DMXL1: variants seen among roughly 807,000 people sequenced by gnomAD.
DMXL1 encodes the protein dmX-like protein 1.
In DMXL1, 99 loss-of-function variants were observed where a neutral mutation model predicts 319.2. The observed-to-expected ratio is 0.31, with a 90% confidence interval of 0.26 to 0.37. DMXL1 has a LOEUF of 0.37. Ranked by LOEUF, DMXL1 falls within the 10% of genes least tolerant of loss-of-function variation. DMXL1 has a pLI of 1.00. For synonymous variants in DMXL1, 1,385 were observed against 1,235.2 expected, an observed-to-expected ratio of 1.12 and a Z score of -2.54; for missense variants, 3,745 against 3,595.6, an observed-to-expected ratio of 1.04 and a Z score of -1.06.
At chr5:119,238,940 T>C in intron 40 of DMXL1, 49 bp from the exon 41 acceptor site, 2 of 1,605,870 alleles carry the variant, frequency 1.2e-6, no homozygotes, top group South Asian at 2.2e-5. Flanking sequence ...TACCTGGTTA[T>C]GACATTTTTA....
rs1331515904 is a variant in DMXL1 at position 119,248,997 on chromosome 5, A to G, written c.*1778A>G. On this transcript the variant is annotated 3_prime_UTR_variant, in exon 44 of 44. Coordinates refer to ENST00000539542, the MANE Select transcript of DMXL1 (RefSeq NM_001290321.3). ...AATATTTACTATTATGCTTATTAGA[A>G]CAAAAGGTGTTTAAGGATGAACTAA... 3 of 152,692 alleles carry G rather than the reference A, an allele frequency of 2.0e-5. No individual in the cohort carries two copies. In the East Asian group the frequency reaches 5.8e-4, roughly 29 times the overall value. 9.5% of individuals were successfully genotyped at this position (152,692 alleles called of 1,614,324 possible). A position where few individuals can be genotyped will look rare whatever the true frequency, so the allele number is the denominator to read the frequency against.
chr5:119,173,672 A>ATGTG (rs771056976), intron 25 of DMXL1, among the ~76,000 whole-genome samples: 13,124 of 109,914 alleles, frequency 0.12, 897 homozygotes, highest in Non-Finnish European at 0.18. Flanking sequence ...AGTAGGATGT[A>ATGTG]TGTGTGTGTG....
rs777516473 is a variant in DMXL1 at position 119,196,493 on chromosome 5, G to C, written c.7543+37G>C. 3.8e-6 allele frequency: 5 copies of C among 1,317,592 alleles called. No individual in the cohort carries two copies. In the East Asian group the frequency reaches 9.7e-5, roughly 26 times the overall value. 81.6% of individuals were successfully genotyped at this position (1,317,592 alleles called of 1,614,324 possible). On this transcript the variant is annotated intron_variant, in intron 31 of 43. Transcript: ENST00000539542. ...CTCAACATGAGCTAATGGTGCCATT[G>C]CTTTTGACTTACTACTCTGTTGTTT...
In DMXL1 at chr5:119,134,249, A is replaced by G. The variant is rs1436908736; in HGVS notation, c.2255-19A>G. 1 of 1,602,990 alleles carries G rather than the reference A, an allele frequency of 6.2e-7. No individual in the cohort carries two copies. Among genetic ancestry groups the G allele is most frequent in the African/African-American group, 1.4e-5 (1 of 74,040 alleles). On this transcript the variant is annotated intron_variant, in intron 12 of 43. Transcript: ENST00000539542. The stretch of plus-strand genomic sequence containing the variant: ...TATCATCAAAGGGTGAAATTTTAAT[A>G]TTTGTAAATACTTTCTAGGTGCATA...
intron 17 of DMXL1, 171 bp downstream of exon 17, chr5:119,147,641 A>T: frequency 2.0e-6 from 1 of 505,968 alleles, no homozygotes; most frequent in East Asian, 3.1e-5. Context: ...TTTTCAGATT[A>T]CTCTGACATT....
At chr5:119,116,511 G>T (rs1760880564) in intron 7 of DMXL1, among the ~76,000 whole-genome samples, 175 bp downstream of exon 7, 1 of 152,156 alleles carries the variant, frequency 6.6e-6, no homozygotes, top group African/African-American at 2.4e-5. Flanking sequence ...AACTATGTTT[G>T]ATGCTTAGGA....
intron 35 of DMXL1, among the ~76,000 whole-genome samples, chr5:119,219,360 T>G (rs749540451): frequency 9.9e-5 from 15 of 152,150 alleles, no homozygotes; most frequent in Admixed American, 2.0e-4. Context: ...ATGACTCACT[T>G]ATAAAACATG....
chr5:119,205,713 A>G (rs1237836056), intron 33 of DMXL1, among the ~76,000 whole-genome samples: 1 of 152,084 alleles, frequency 6.6e-6, no homozygotes, highest in Non-Finnish European at 1.5e-5. Flanking sequence ...GAGAATATGA[A>G]AAGAAAAATG....
Position 119,105,245 on chromosome 5 carries a change from C to G in DMXL1, c.351C>G (p.Thr117=), listed in dbSNP as rs1371668844. 1.2e-6 allele frequency: 2 copies of G among 1,612,110 alleles called. No homozygotes were observed. Among genetic ancestry groups the G allele is most frequent in the Admixed American group, 1.7e-5 (1 of 59,982 alleles). Residue 117 remains threonine (T), a synonymous_variant, in exon 4 of 44, where the codon ACC becomes ACG. Coordinates refer to ENST00000539542, the MANE Select transcript of DMXL1 (RefSeq NM_001290321.3). The part of the protein sequence containing the change: ...FFLESIAHNI[T]WDPTGSRLLT... ...TGGAATCAATAGCACACAATATAAC[C>G]TGGGATCCCACAGGTAAGAAAATAA...
intron 21 of DMXL1, 69 bp downstream of exon 21, chr5:119,165,349 A>G: frequency 2.5e-6 from 2 of 809,596 alleles, no homozygotes; most frequent in Non-Finnish European, 4.1e-6. Flanking sequence ...TAAATGAATG[A>G]AGTAAGATTT....
In DMXL1 at chr5:119,246,987, T is replaced by C. The variant is rs562879392; in HGVS notation, c.8923-8T>C. 6.3e-7 allele frequency: 1 copy of C among 1,586,490 alleles called. No individual in the cohort carries two copies. The highest frequency in any genetic ancestry group is 1.1e-5 in the South Asian group (1 of 89,206). ...CCTAATTTTCCGTTTGTTCTTAATATCTTTCAGATTTGGAGTCTCTCTACC... is the reference window on the plus strand; with the variant it reads ...CCTAATTTTCCGTTTGTTCTTAATACCTTTCAGATTTGGAGTCTCTCTACC... On this transcript the variant is annotated splice_region_variant and splice_polypyrimidine_tract_variant and intron_variant, in intron 43 of 43. Transcript: ENST00000539542.
intron 13 of DMXL1, among the ~76,000 whole-genome samples, chr5:119,139,120 G>A (rs1332929935): frequency 6.6e-6 from 1 of 152,098 alleles, no homozygotes; most frequent in Non-Finnish European, 1.5e-5. Flanking sequence ...CTTACAAGAG[G>A]TCTTGAAGGG....
At chr5:119,113,292 A>G (rs1760078610) in intron 5 of DMXL1, among the ~76,000 whole-genome samples, 1 of 152,120 alleles carries the variant, frequency 6.6e-6, no homozygotes, top group Admixed American at 6.5e-5. Flanking sequence ...ACCCAGGCTG[A>G]GTATGGTGGC....
chr5:119,198,250 A>G (rs544213466), intron 32 of DMXL1, among the ~76,000 whole-genome samples: 1 of 152,124 alleles, frequency 6.6e-6, no homozygotes, highest in Non-Finnish European at 1.5e-5. Context: ...CGGCCTCCCA[A>G]AGTGCTGGGA....
At chr5:119,210,938 C>T (rs1323874864) in intron 34 of DMXL1, among the ~76,000 whole-genome samples, 4 of 149,310 alleles carry the variant, frequency 2.7e-5, no homozygotes, top group Non-Finnish European at 4.4e-5. Context: ...AGTTTGAGGA[C>T]GTTTCTTTGC....
intron 1 of DMXL1, among the ~76,000 whole-genome samples, chr5:119,088,292 G>C (rs972462535): frequency 6.6e-6 from 1 of 152,252 alleles, no homozygotes; most frequent in East Asian, 1.9e-4. Context: ...GTTTTCAGTT[G>C]CATGGAATAT....
At chr5:119,166,000 AG>A (rs1773364497) in intron 21 of DMXL1, among the ~76,000 whole-genome samples, 1 of 152,218 alleles carries the variant, frequency 6.6e-6, no homozygotes, top group Non-Finnish European at 1.5e-5. Context: ...ACTATGGGCC[AG>A]CCTACCCCAC....
In DMXL1 at chr5:119,240,456, A is replaced by G; in HGVS notation, c.8689A>G (p.Asn2897Asp). The G allele has an allele frequency of 1.9e-6, 3 of 1,607,956 alleles. No individual in the cohort carries two copies. The South Asian group carries it at 3.3e-5, about 18-fold the overall frequency. The change falls in exon 42 of 44, where the codon AAT becomes GAT. Residue 2897 changes from asparagine to aspartate, a missense_variant. Around this residue, in one of 4 missense-constraint regions of DMXL1, gnomAD observed 262 missense variants for 320.5 expected, o/e 0.82. Coordinates refer to ENST00000539542, the MANE Select transcript of DMXL1 (RefSeq NM_001290321.3). ...GTGGGATACTCTTGTAGCACCTGCC[A>G]ATAGTTTAGTCCATGGTAAGTTTTC... ...CLWDTLVAPANSLVHAFTCHD... is the reference protein window; with the variant it reads ...CLWDTLVAPADSLVHAFTCHD...
At chr5:119,148,217 C>A (rs1276102828) in intron 17 of DMXL1, among the ~76,000 whole-genome samples, 3 of 152,036 alleles carry the variant, frequency 2.0e-5, no homozygotes, top group Non-Finnish European at 4.4e-5. Flanking sequence ...AGTGACCATT[C>A]AGTACTTAAG....
Sources: allele counts gnomAD v4.1 joint callset (sites outside exome capture counted in the v4.1 genomes callset), GRCh38; gene constraint gnomAD v4.1.1; regional missense constraint gnomAD v4.1.1; transcripts MANE v1.5; gene names NCBI Gene and HGNC (gene_info 2026-07-23, HGNC 2026-07-21).